The following TMEM232 variants were observed in gnomAD, a reference collection of about 807,000 sequenced individuals.
The protein encoded by TMEM232 is transmembrane protein 232.
In TMEM232, 80 loss-of-function variants were observed where a neutral mutation model predicts 78.8. The observed-to-expected ratio is 1.01, with a 90% CI of 0.85 to 1.22. The LOEUF is 1.22. TMEM232 is among the 50% of genes most tolerant of loss of function. TMEM232 has a pLI of 0.00. For synonymous variants in TMEM232, 297 were observed against 254.3 expected (o/e 1.17, Z -1.60); for missense variants, 881 against 742.2 (o/e 1.19, Z -2.17).
intron 2 of TMEM232, among the ~76,000 whole-genome samples, chr5:110,648,801 T>G (rs898662752): frequency 6.6e-6 from 1 of 152,136 alleles, no homozygotes; most frequent in Non-Finnish European, 1.5e-5. Context: ...TTGCAGGACT[T>G]TTTAAGTCAT....
chr5:110,730,660 G>C (rs1200779623), upstream of TMEM232, among the ~76,000 whole-genome samples: 1 of 152,092 alleles, frequency 6.6e-6, no homozygotes, highest in East Asian at 1.9e-4. Flanking sequence ...AGAAACCCCT[G>C]ATAAACCCAT....
In TMEM232 at chr5:110,686,651, T is replaced by A. The variant is rs114366812; in HGVS notation, c.-12-19287A>T. On this transcript the variant is annotated intron_variant, in intron 1 of 13. Transcript: ENST00000455884. ...GTATGAACACTTGTACATTTCACTA[T>A]ATGCAAATTTTACTTCAGTACAAAT... Among the ~76,000 whole-genome samples, 1,129 of 152,248 alleles carry A rather than the reference T, an allele frequency of 7.4e-3. 13 individuals carry two copies. Among genetic ancestry groups the A allele is most frequent in the African/African-American group, 0.025 (1,054 of 41,550 alleles).
intron 10 of TMEM232, among the ~76,000 whole-genome samples, chr5:110,586,995 A>G (rs377167967): frequency 6.6e-6 from 1 of 152,192 alleles, no homozygotes; most frequent in East Asian, 1.9e-4. Context: ...AGAGCAACAC[A>G]ATTTCAGTGG....
intron 1 of TMEM232, among the ~76,000 whole-genome samples, chr5:110,693,078 C>A (rs551413306): frequency 1.3e-5 from 2 of 152,308 alleles, no homozygotes; most frequent in African/African-American, 2.4e-5. Context: ...TGACACCTCA[C>A]ATGGCCGGGT....
At chr5:110,635,752 A>G (rs1489569096) in intron 5 of TMEM232, among the ~76,000 whole-genome samples, 2 of 151,982 alleles carry the variant, frequency 1.3e-5, no homozygotes, top group East Asian at 3.9e-4. Context: ...AAAAAGACAA[A>G]AAAAAATACA....
chr5:110,719,594 G>A (rs1365207593), intron 1 of TMEM232, among the ~76,000 whole-genome samples: 3 of 151,934 alleles, frequency 2.0e-5, no homozygotes, highest in Admixed American at 1.3e-4. Context: ...TAGCAATTCT[G>A]GGTACAGATT....
At chr5:110,641,581 A>AT (rs1246669179) in intron 3 of TMEM232, among the ~76,000 whole-genome samples, 1 of 152,070 alleles carries the variant, frequency 6.6e-6, no homozygotes, top group East Asian at 1.9e-4. Context: ...TTCTAATCAA[A>AT]TTTTTTTCAA....
chr5:110,525,573 T>A (rs979923719), intron 12 of TMEM232, among the ~76,000 whole-genome samples: 4 of 151,998 alleles, frequency 2.6e-5, no homozygotes, highest in African/African-American at 7.2e-5. Flanking sequence ...ACATGCCATA[T>A]TGTTAGAGAT....
intron 3 of TMEM232, among the ~76,000 whole-genome samples, chr5:110,395,421 T>G (rs549919094): frequency 6.6e-6 from 1 of 152,264 alleles, no homozygotes; most frequent in African/African-American, 2.4e-5. Context: ...CTTTAGCAAG[T>G]AATTTAAAAA....
chr5:110,653,911 T>C (rs746846578), intron 2 of TMEM232, among the ~76,000 whole-genome samples: 22 of 152,130 alleles, frequency 1.4e-4, no homozygotes, highest in Non-Finnish European at 2.8e-4. Context: ...CACCGACATA[T>C]CAGTGATGAT....
chr5:110,502,437 T>C (rs1236059270), intron 12 of TMEM232, among the ~76,000 whole-genome samples: 1 of 152,200 alleles, frequency 6.6e-6, no homozygotes, highest in Non-Finnish European at 1.5e-5. Flanking sequence ...TAGGTCATTT[T>C]CAAGACCAGT....
At chr5:110,552,351 A>G (rs1774575547) in intron 11 of TMEM232, among the ~76,000 whole-genome samples, 1 of 152,114 alleles carries the variant, frequency 6.6e-6, no homozygotes, top group Non-Finnish European at 1.5e-5. Context: ...TTTCTGAAAA[A>G]TGCCCTAGAT....
intron 2 of TMEM232, among the ~76,000 whole-genome samples, chr5:110,405,112 T>G (rs990813566): frequency 1.3e-5 from 2 of 152,088 alleles, no homozygotes; most frequent in African/African-American, 4.8e-5. Flanking sequence ...CTAAAAATAT[T>G]TTAAATTGCA....
intron 1 of TMEM232, among the ~76,000 whole-genome samples, chr5:110,682,525 CA>C (rs1792881518): frequency 1.3e-5 from 2 of 152,026 alleles, no homozygotes; most frequent in Admixed American, 1.3e-4. Flanking sequence ...TACCACTTCC[CA>C]GGGGTAAATT....
chr5:110,444,681 T>C (rs1321653341), intron 12 of TMEM232, among the ~76,000 whole-genome samples: 1 of 152,196 alleles, frequency 6.6e-6, no homozygotes, highest in Non-Finnish European at 1.5e-5. Flanking sequence ...ATTTGTTACA[T>C]AGCATTGGAT....
chr5:110,726,891 A>G (rs551614072), upstream of TMEM232: 1 of 152,352 alleles, frequency 6.6e-6, no homozygotes, highest in African/African-American at 2.4e-5. Flanking sequence ...ATACTTGCAT[A>G]TCCTGCAAGA....
chr5:110,559,110 C>T (rs1303373196), intron 11 of TMEM232, among the ~76,000 whole-genome samples: 1 of 151,914 alleles, frequency 6.6e-6, no homozygotes, highest in Non-Finnish European at 1.5e-5. Context: ...GGTTCTTCCC[C>T]TTTTCGGACT....
chr5:110,620,632 T>TC (rs1783567943), intron 7 of TMEM232, among the ~76,000 whole-genome samples: 2 of 85,994 alleles, frequency 2.3e-5, no homozygotes, highest in African/African-American at 8.6e-5. Flanking sequence ...TCTCTCTCTC[T>TC]CTCTCTCCTC....
chr5:110,734,006 T>C (rs1274150322), intron 2 of TMEM232, among the ~76,000 whole-genome samples: 1 of 152,224 alleles, frequency 6.6e-6, no homozygotes, highest in East Asian at 1.9e-4. Flanking sequence ...TACTAAAAGA[T>C]AAAATTTCTC....
Sources: gnomAD v4.1 joint callset for allele counts (sites outside exome capture counted in the v4.1 genomes callset) on GRCh38, gnomAD v4.1.1 for gene constraint, MANE v1.5 for transcripts, NCBI Gene and HGNC (gene_info 2026-07-23, HGNC 2026-07-21) for gene names.